Variants in DENR observed in about 807,000 individuals in gnomAD.
DENR encodes the protein density-regulated protein.
A neutral mutation model predicts 30.6 loss-of-function variants in DENR; 6 were observed. That is an observed-to-expected ratio of 0.20 (90% CI 0.11 to 0.39). The LOEUF (loss-of-function observed/expected upper bound fraction) is 0.39. DENR is among the 10% of genes least tolerant of loss of function. The pLI, the probability that DENR is intolerant of heterozygous loss-of-function variation, is 1.00. For missense variants in DENR, 141 were observed against 230.9 expected (o/e 0.61, Z 2.52); for synonymous variants, 78 against 72.1 (o/e 1.08, Z -0.41).
chr12:122,763,447 T>C (rs1333795911), intron 4 of DENR, among the ~76,000 whole-genome samples: 3 of 151,698 alleles, frequency 2.0e-5, no homozygotes, highest in African/African-American at 4.9e-5. Context: ...GGTTCACGCC[T>C]GTAGTCCCAG....
intron 5 of DENR, 67 bp downstream of exon 5, chr12:122,765,454 T>G (rs1878823018): frequency 1.4e-6 from 2 of 1,402,086 alleles, no homozygotes; most frequent in Non-Finnish European, 2.0e-6. Context: ...ATGTAAGTAA[T>G]TAAAATGGTT....
In DENR at chr12:122,759,613, C is replaced by T. The variant is rs374336749; in HGVS notation, c.107-2574C>T. ...GTGCACACCTGTAATCCCAGCTACT[C>T]GGGAGGCTGAGCTACGAGAATCACT... On this transcript the variant is annotated intron_variant, in intron 2 of 7. Coordinates refer to ENST00000280557, the MANE Select transcript of DENR (RefSeq NM_003677.5). Among the ~76,000 whole-genome samples, 29 of 152,174 alleles carry T rather than the reference C, an allele frequency of 1.9e-4. 1 individual carries two copies. The South Asian group carries it at 5.0e-3, about 26-fold the overall frequency.
intron 2 of DENR, among the ~76,000 whole-genome samples, chr12:122,756,463 GAC>G (rs1878553141): frequency 6.6e-6 from 1 of 152,074 alleles, no homozygotes; most frequent in Non-Finnish European, 1.5e-5. Context: ...AGAAGAAAGA[GAC>G]AAGAAATAAA....
chr12:122,756,837 A>T (rs769096778), intron 2 of DENR, among the ~76,000 whole-genome samples: 2 of 152,216 alleles, frequency 1.3e-5, no homozygotes, highest in Non-Finnish European at 2.9e-5. Flanking sequence ...CATGAAGATG[A>T]ATCTGGCAGC....
rs1879001789 is a variant in DENR at position 122,770,314 on chromosome 12, T to C, written c.*1236T>C. 4.0e-6 allele frequency: 1 copy of C among 249,192 alleles called. No individual in the cohort carries two copies. Among genetic ancestry groups the C allele is most frequent in the Admixed American group, 5.5e-5 (1 of 18,220 alleles). 15.4% of individuals were successfully genotyped at this position (249,192 alleles called of 1,614,324 possible). The stretch of plus-strand genomic sequence containing the variant: ...GTTAAAGAAGTGATGGTGCATTGTG[T>C]GGTAGAATATTATGCATATGTTTAA... On this transcript the variant is annotated 3_prime_UTR_variant, in exon 8 of 8. Transcript: ENST00000280557.
At chr12:122,757,828 A>G (rs1878590383) in intron 2 of DENR, among the ~76,000 whole-genome samples, 1 of 152,308 alleles carries the variant, frequency 6.6e-6, no homozygotes, top group South Asian at 2.1e-4. Flanking sequence ...GGAAGGAGGA[A>G]GTGCCTGAAA....
chr12:122,754,602 G>A (rs1244098793), intron 2 of DENR, among the ~76,000 whole-genome samples: 2 of 152,220 alleles, frequency 1.3e-5, no homozygotes, highest in African/African-American at 2.4e-5. Flanking sequence ...CCTTGTTCAC[G>A]TGGACCTTAC....
chr12:122,753,848 C>T (rs780087179), intron 2 of DENR, 41 bp downstream of exon 2: 37 of 1,438,760 alleles, frequency 2.6e-5, no homozygotes, highest in South Asian at 2.3e-5. Context: ...ACTCACTATA[C>T]TTTTATGCAT....
At position 122,752,829 on chromosome 12, in the gene DENR, G is replaced by C. The variant is rs1465250090; in HGVS notation, c.-131G>C. The C allele has an allele frequency of 6.6e-6, 1 of 152,352 alleles. No homozygotes were observed. Among genetic ancestry groups the C allele is most frequent in the Non-Finnish European group, 1.5e-5 (1 of 68,130 alleles). 9.4% of individuals were successfully genotyped at this position (152,352 alleles called of 1,614,324 possible). On this transcript the variant is annotated 5_prime_UTR_variant, in exon 1 of 8. Coordinates refer to ENST00000280557, the MANE Select transcript of DENR (RefSeq NM_003677.5). ...TCTCGCGATAAAGGCTCATTGTCTC[G>C]CGGGAGCGCTGCTGGCGGTCGGGCG...
At position 122,769,265 on chromosome 12, in the gene DENR, CAT is replaced by C. The variant is rs1338489140; in HGVS notation, c.*192_*193del. On this transcript the variant is annotated 3_prime_UTR_variant, in exon 8 of 8. Transcript: ENST00000280557. ...ATACATGTATATATATATACATACA[CAT>C]ATATGTATACATATATACACATATA... 904 of 752,558 alleles carry C rather than the reference CAT, an allele frequency of 1.2e-3. 23 individuals are homozygous for C. The highest frequency in any genetic ancestry group is 3.7e-3 in the Middle Eastern group (6 of 1,628). The allele number at this position is 752,558 out of a possible 1,614,324, so 46.6% of individuals were successfully genotyped here. A position where few individuals can be genotyped will look rare whatever the true frequency, so the allele number is the denominator to read the frequency against.
chr12:122,767,469 T>C lies in DENR; in HGVS notation c.296-19T>C. On this transcript the variant is annotated intron_variant, in intron 5 of 7. Transcript: ENST00000280557. ...ATGTCAAAAACAACTAAAGCTAAGC[T>C]CTTTCTTAATAAATAAAGGTGGAAG... 6.9e-7 allele frequency: 1 copy of C among 1,441,642 alleles called. No individual in the cohort carries two copies. Among genetic ancestry groups the C allele is most frequent in the South Asian group, 1.3e-5 (1 of 75,790 alleles). 89.3% of individuals were successfully genotyped at this position (1,441,642 alleles called of 1,614,324 possible). A position where few individuals can be genotyped will look rare whatever the true frequency, so the allele number is the denominator to read the frequency against.
Position 122,762,828 on chromosome 12 carries a change from C to CTT in DENR, c.127-9_127-8dup. 1 of 1,455,248 alleles carries CTT rather than the reference C, an allele frequency of 6.9e-7. No individual in the cohort carries two copies. Among genetic ancestry groups the CTT allele is most frequent in the Non-Finnish European group, 9.3e-7 (1 of 1,076,586 alleles). The allele number at this position is 1,455,248 out of a possible 1,614,324, so 90.1% of individuals were successfully genotyped here. On this transcript the variant is annotated splice_polypyrimidine_tract_variant and intron_variant, in intron 3 of 7. Coordinates refer to ENST00000280557, the MANE Select transcript of DENR (RefSeq NM_003677.5). ...GAAAATGTTTTGTTGTGACTCAGTT[C>CTT]TTTTTTTTTCTCCTAGTACTGTGAA...
At chr12:122,756,505 A>G (rs572938293) in intron 2 of DENR, among the ~76,000 whole-genome samples, 35 of 152,318 alleles carry the variant, frequency 2.3e-4, no homozygotes, top group African/African-American at 8.4e-4. Flanking sequence ...CAGTGTCAGT[A>G]CAGGAGGGGA....
At position 122,769,358 on chromosome 12, in the gene DENR, C is replaced by T. The variant is rs776083390; in HGVS notation, c.*280C>T. On this transcript the variant is annotated 3_prime_UTR_variant, in exon 8 of 8. Transcript: ENST00000280557. ...CTACAGTAAAACTGTAGACTGTCCT[C>T]GTCCTTGGCATTTTCACTGTTCTGT... is the stretch of plus-strand genomic sequence containing the variant. The T allele has an allele frequency of 4.7e-4, 464 of 989,048 alleles. No individual in the cohort carries two copies. The highest frequency in any genetic ancestry group is 1.8e-3 in the South Asian group (39 of 21,648). 61.3% of individuals were successfully genotyped at this position (989,048 alleles called of 1,614,324 possible).
At chr12:122,766,130 T>G (rs1878843172) in intron 5 of DENR, among the ~76,000 whole-genome samples, 1 of 152,118 alleles carries the variant, frequency 6.6e-6, no homozygotes, top group Non-Finnish European at 1.5e-5. Context: ...ATTTCTTTAC[T>G]AAGGCCAGAC....
chr12:122,763,143 T>TA, intron 4 of DENR: 1 of 406,746 alleles, frequency 2.5e-6, no homozygotes. Context: ...GGCTCACACC[T>TA]ATAATCCTAG....
chr12:122,770,522 C>G lies in DENR; in HGVS notation c.*1444C>G. 2 of 397,654 alleles carry G rather than the reference C, an allele frequency of 5.0e-6. No individual in the cohort carries two copies. The highest frequency in any genetic ancestry group is 8.9e-6 in the Non-Finnish European group (2 of 225,766). 24.6% of individuals were successfully genotyped at this position (397,654 alleles called of 1,614,324 possible). A position where few individuals can be genotyped will look rare whatever the true frequency, so the allele number is the denominator to read the frequency against. ...AAATTGTGCTAACCAGTTAAAAGTA[C>G]TGTACACCCATGCTCAATATATAGT... On this transcript the variant is annotated 3_prime_UTR_variant, in exon 8 of 8. Coordinates refer to ENST00000280557, the MANE Select transcript of DENR (RefSeq NM_003677.5).
Position 122,756,238 on chromosome 12 carries a change from C to T in DENR, c.106+2431C>T, listed in dbSNP as rs199717474. Among the ~76,000 whole-genome samples the T allele has an allele frequency of 1.6e-4, 24 of 152,180 alleles. No individual in the cohort carries two copies. The East Asian group carries it at 4.2e-3, about 27-fold the overall frequency. ...CCAAGGTGGGTGGATCAGCTGAGGTCAGGAGTTCAAGACCAGCCTGGCCAA... is the reference window on the plus strand; with the variant it reads ...CCAAGGTGGGTGGATCAGCTGAGGTTAGGAGTTCAAGACCAGCCTGGCCAA... On this transcript the variant is annotated intron_variant, in intron 2 of 7. Transcript: ENST00000280557.
Position 122,752,875 on chromosome 12 carries a change from G to C in DENR, c.-85G>C, listed in dbSNP as rs1186722554. 1 of 152,548 alleles carries C rather than the reference G, an allele frequency of 6.6e-6. No homozygotes were observed. Among genetic ancestry groups the C allele is most frequent in the Non-Finnish European group, 1.5e-5 (1 of 68,282 alleles). 9.4% of individuals were successfully genotyped at this position (152,548 alleles called of 1,614,324 possible). The stretch of plus-strand genomic sequence containing the variant: ...GGGCGCTCGGGCGGCCCTGGCCGGG[G>C]AGACGAGTTGCATGTGTTGGTTCAG... On this transcript the variant is annotated 5_prime_UTR_variant, in exon 1 of 8. Transcript: ENST00000280557.
Sources: allele counts gnomAD v4.1 joint callset (sites outside exome capture counted in the v4.1 genomes callset), GRCh38; gene constraint gnomAD v4.1.1; transcripts MANE v1.5; gene names NCBI Gene and HGNC (gene_info 2026-07-23, HGNC 2026-07-21).